The following AGMO variants were observed in gnomAD, a reference collection of about 807,000 sequenced individuals.
AGMO encodes the protein glyceryl-ether monooxygenase.
A neutral mutation model predicts 60.2 loss-of-function variants in AGMO; 75 were observed. That is an observed-to-expected ratio of 1.25 (90% CI 1.03 to 1.51). The LOEUF (loss-of-function observed/expected upper bound fraction) is 1.51, where lower values mean the gene tolerates loss of function less well. Ranked by LOEUF, AGMO falls within the 40% of genes most tolerant of loss-of-function variation. AGMO has a pLI of 0.00. For missense variants in AGMO, 763 were observed against 525.5 expected (o/e 1.45, Z -4.42); for synonymous variants, 261 against 177.1 (o/e 1.47, Z -3.76).
In AGMO at chr7:15,477,201, AG is replaced by A. The variant is rs569961036; in HGVS notation, c.410-46094del. ...AGCAAAGTTGAGAATTTTAAGTTAA[AG>A]GTATGAATGAAACATTAAAATAAAT... On this transcript the variant is annotated intron_variant, in intron 3 of 12. Coordinates refer to ENST00000342526, the MANE Select transcript of AGMO (RefSeq NM_001004320.2). 2.1e-3 allele frequency among the ~76,000 whole-genome samples: 316 copies of A among 152,222 alleles called. 1 individual carries two copies. Among genetic ancestry groups the A allele is most frequent in the African/African-American group, 7.2e-3 (299 of 41,558 alleles).
intron 3 of AGMO, among the ~76,000 whole-genome samples, chr7:15,515,411 C>T (rs1287843394): frequency 2.0e-5 from 3 of 152,178 alleles, no homozygotes; most frequent in Non-Finnish European, 2.9e-5. Context: ...CCCACTTCTT[C>T]AGCTGTGTAT....
At chr7:15,329,933 A>C (rs909744182) in intron 12 of AGMO, among the ~76,000 whole-genome samples, 1 of 152,210 alleles carries the variant, frequency 6.6e-6, no homozygotes, top group Non-Finnish European at 1.5e-5. Flanking sequence ...GCTTTAGGTC[A>C]GAGGACTGAA....
chr7:15,474,781 T>G (rs1782548567), intron 3 of AGMO, among the ~76,000 whole-genome samples: 1 of 151,844 alleles, frequency 6.6e-6, no homozygotes, highest in East Asian at 1.9e-4. Context: ...TAGGAGAAAA[T>G]TTTTGCAATC....
intron 8 of AGMO, among the ~76,000 whole-genome samples, chr7:15,389,383 T>C (rs74543355): frequency 0.11 from 16,196 of 152,214 alleles, 1,036 homozygotes; most frequent in South Asian, 0.17. Context: ...CATTTCTCAA[T>C]TGGTTTTATT....
At chr7:15,121,340 G>A in the AGMO span, among the ~76,000 whole-genome samples, 215 of 152,184 alleles carry the variant, frequency 1.4e-3, no homozygotes, top group African/African-American at 4.6e-3. Context: ...TATACCCAGT[G>A]ATGGGATTGC....
At chr7:15,430,636 A>AC (rs1214041933) in intron 4 of AGMO, among the ~76,000 whole-genome samples, 2 of 112,156 alleles carry the variant, frequency 1.8e-5, no homozygotes, top group Non-Finnish European at 4.1e-5. Flanking sequence ...TTTTTAAAAA[A>AC]AAAAAAAAAA....
chr7:15,484,590 A>G (rs926302906), intron 3 of AGMO, among the ~76,000 whole-genome samples: 1 of 152,340 alleles, frequency 6.6e-6, no homozygotes, highest in Non-Finnish European at 1.5e-5. Flanking sequence ...AATTTAAAAC[A>G]TGAAAAACTA....
At chr7:15,258,881 A>C (rs1200318743) in intron 12 of AGMO, among the ~76,000 whole-genome samples, 1 of 152,104 alleles carries the variant, frequency 6.6e-6, no homozygotes, top group Non-Finnish European at 1.5e-5. Flanking sequence ...GGAGGAGAAC[A>C]CCACAACAAG....
At chr7:15,333,126 A>T (rs1019939976) in intron 12 of AGMO, among the ~76,000 whole-genome samples, 3 of 152,168 alleles carry the variant, frequency 2.0e-5, no homozygotes, top group African/African-American at 7.2e-5. Context: ...GACAAAATTT[A>T]ACAAGCTTGC....
At chr7:15,308,581 T>C (rs1400922186) in intron 12 of AGMO, among the ~76,000 whole-genome samples, 3 of 152,154 alleles carry the variant, frequency 2.0e-5, no homozygotes, top group Non-Finnish European at 4.4e-5. Flanking sequence ...CTGTAAGCTT[T>C]CTAAAAACAA....
At chr7:15,499,512 T>C (rs1300456077) in intron 3 of AGMO, among the ~76,000 whole-genome samples, 1 of 151,846 alleles carries the variant, frequency 6.6e-6, no homozygotes, top group Non-Finnish European at 1.5e-5. Flanking sequence ...TTTGGAGAAG[T>C]TGTGAGAAAA....
At chr7:15,325,546 T>G (rs1259204449) in intron 12 of AGMO, among the ~76,000 whole-genome samples, 2 of 152,056 alleles carry the variant, frequency 1.3e-5, no homozygotes, top group Non-Finnish European at 2.9e-5. Context: ...CACCTATACA[T>G]GCACACATAC....
Position 15,236,786 on chromosome 7 carries a change from G to C in AGMO, c.1264-35427C>G, listed in dbSNP as rs553720797. On this transcript the variant is annotated intron_variant, in intron 12 of 12. Coordinates refer to ENST00000342526, the MANE Select transcript of AGMO (RefSeq NM_001004320.2). ...AACCACAAGAACAAAAAAAAATGGA[G>C]TCTAGTTACTAGTTAGTGATTAAAA... Among the ~76,000 whole-genome samples the C allele has an allele frequency of 5.3e-5, 8 of 151,986 alleles. 1 individual carries two copies. The South Asian group carries it at 1.7e-3, about 32-fold the overall frequency.
chr7:15,324,639 T>C (rs1781280968), intron 12 of AGMO, among the ~76,000 whole-genome samples: 1 of 152,080 alleles, frequency 6.6e-6, no homozygotes, highest in Admixed American at 6.6e-5. Context: ...AGGAACATGT[T>C]TCATGGAAGG....
chr7:15,472,461 A>T (rs573101533), intron 3 of AGMO, among the ~76,000 whole-genome samples: 1 of 152,026 alleles, frequency 6.6e-6, no homozygotes, highest in Admixed American at 6.6e-5. Context: ...TTTCTAGCAC[A>T]TAGAACAACT....
chr7:15,403,089 A>C (rs146565264), intron 5 of AGMO, among the ~76,000 whole-genome samples: 1 of 151,868 alleles, frequency 6.6e-6, no homozygotes, highest in Non-Finnish European at 1.5e-5. Context: ...AAAATCACTC[A>C]TTTTTCTTTC....
chr7:15,515,649 T>C (rs1208458323), intron 3 of AGMO, among the ~76,000 whole-genome samples: 1 of 152,250 alleles, frequency 6.6e-6, no homozygotes, highest in East Asian at 1.9e-4. Flanking sequence ...CATGCTCCAA[T>C]AGCCTTCTCA....
chr7:15,318,120 C>T (rs559198296), intron 12 of AGMO, among the ~76,000 whole-genome samples: 65 of 151,710 alleles, frequency 4.3e-4, no homozygotes, highest in African/African-American at 1.5e-3. Context: ...ATTCTCTTGC[C>T]TCAGCCTCCC....
At chr7:15,331,659 G>A (rs908555188) in intron 12 of AGMO, among the ~76,000 whole-genome samples, 1 of 152,104 alleles carries the variant, frequency 6.6e-6, no homozygotes, top group Non-Finnish European at 1.5e-5. Flanking sequence ...AGGCGCGGTG[G>A]CTCACACCTG....
Sources: gnomAD v4.1 joint callset for allele counts (sites outside exome capture counted in the v4.1 genomes callset) on GRCh38, gnomAD v4.1.1 for gene constraint, MANE v1.5 for transcripts, NCBI Gene and HGNC (gene_info 2026-07-23, HGNC 2026-07-21) for gene names.